ZNF407: variants seen among roughly 807,000 people sequenced by gnomAD.
The protein encoded by ZNF407 is zinc finger protein 407.
ZNF407 carries 17 observed loss-of-function variants against 131.2 expected under a neutral mutation model. That is an observed-to-expected ratio of 0.13 (90% CI 0.09 to 0.19). The LOEUF is 0.19. Among genes scored for constraint, ZNF407 ranks in the 10% least tolerant of loss-of-function variants. ZNF407 has a pLI of 1.00. For synonymous variants in ZNF407, 1,156 were observed against 1,062.0 expected (o/e 1.09, Z -1.72); for missense variants, 2,681 against 2,830.6 (o/e 0.95, Z 1.20).
rs1299221599 is a variant in ZNF407, at chr18:75,063,779, C to T, written c.6058C>T (p.Leu2020=). ...AGGCAGGCCCGGCGCCAAAGACGTG[C>T]TGATCCAGCTGCCCGGGCAGGAGGT... ...EQGRPGAKDV[L]IQLPGQEVSH... is the part of the protein sequence containing the mutation. The change falls in exon 9 of 9, where the codon CTG becomes TTG. Residue 2020 remains leucine (L), a synonymous_variant. Coordinates refer to ENST00000299687, the MANE Select transcript of ZNF407 (RefSeq NM_017757.3). This position sits in a 1 kb window ranked among gnomAD's most constrained non-coding sequence, Gnocchi z 6.6. 6.2e-7 allele frequency: 1 copy of T among 1,610,118 alleles called. No homozygotes were observed. The highest frequency in any genetic ancestry group is 8.5e-7 in the Non-Finnish European group (1 of 1,179,774).
Position 75,063,110 on chromosome 18 carries a change from G to A in ZNF407, c.5429-40G>A. ...AAGTGTCTTACTTGTAAGCCTACGA[G>A]TACTTTTTCCAGGCTCTAACTGGTC... On this transcript the variant is annotated intron_variant, in intron 8 of 8. Transcript: ENST00000299687. The surrounding 1 kb of genome is among the most constrained non-coding windows in gnomAD (Gnocchi z 6.6). The A allele has an allele frequency of 2.0e-6, 3 of 1,513,830 alleles. No homozygotes were observed. The highest frequency in any genetic ancestry group is 2.7e-6 in the Non-Finnish European group (3 of 1,125,832). The allele number at this position is 1,513,830 out of a possible 1,614,324, so 93.8% of individuals were successfully genotyped here. A position where few individuals can be genotyped will look rare whatever the true frequency, so the allele number is the denominator to read the frequency against.
intron 8 of ZNF407, among the ~76,000 whole-genome samples, chr18:74,931,050 A>G (rs1971977367): frequency 6.6e-6 from 1 of 152,208 alleles, no homozygotes; most frequent in Non-Finnish European, 1.5e-5. Flanking sequence ...CTATCTCTCT[A>G]TCTAGAACAT....
chr18:74,712,570 T>C (rs1189655285), intron 3 of ZNF407, among the ~76,000 whole-genome samples: 1 of 152,196 alleles, frequency 6.6e-6, no homozygotes, highest in Non-Finnish European at 1.5e-5. Flanking sequence ...TTTCTGAGGC[T>C]TTCCTGTGGA....
At chr18:74,950,306 C>T (rs558140111) in intron 8 of ZNF407, among the ~76,000 whole-genome samples, 4 of 152,318 alleles carry the variant, frequency 2.6e-5, no homozygotes, top group Middle Eastern at 3.4e-3. Flanking sequence ...ACACTTAATG[C>T]TTACATATTT....
intron 8 of ZNF407, among the ~76,000 whole-genome samples, chr18:75,014,764 A>T (rs1973023690): frequency 1.3e-5 from 2 of 152,138 alleles, no homozygotes; most frequent in Non-Finnish European, 2.9e-5. Flanking sequence ...TTGAAAGTAA[A>T]ATTTGAAAAT....
At chr18:74,757,357 C>G (rs1349921478) in intron 3 of ZNF407, among the ~76,000 whole-genome samples, 1 of 151,878 alleles carries the variant, frequency 6.6e-6, no homozygotes, top group African/African-American at 2.4e-5. Context: ...ATATTTGTTT[C>G]CATTCATCTC....
chr18:74,890,140 G>GCCTCTTTCGTTATCAACA, intron 7 of ZNF407, 102 bp downstream of exon 7: 1 of 1,279,190 alleles, frequency 7.8e-7, no homozygotes, highest in Non-Finnish European at 1.0e-6. Context: ...ATCACCATGA[G>GCCTCTTTCGTTATCAACA]TTCATATATT....
chr18:74,879,523 T>C (rs879939644), intron 5 of ZNF407, among the ~76,000 whole-genome samples: 2 of 152,226 alleles, frequency 1.3e-5, no homozygotes, highest in Non-Finnish European at 2.9e-5. Flanking sequence ...CTCAGTGTTA[T>C]TTAATTGATA....
chr18:74,962,634 A>G (rs1972359921), intron 8 of ZNF407, among the ~76,000 whole-genome samples: 1 of 152,090 alleles, frequency 6.6e-6, no homozygotes, highest in Admixed American at 6.5e-5. Flanking sequence ...CCAGTCCTCC[A>G]TGTCTCGTCT....
At chr18:74,914,094 G>A (rs965879710) in intron 7 of ZNF407, among the ~76,000 whole-genome samples, 2 of 152,162 alleles carry the variant, frequency 1.3e-5, no homozygotes, top group African/African-American at 4.8e-5. Context: ...CCTTTTCCAT[G>A]AAAGCGATGC....
chr18:74,636,807 A>G (rs962422111), intron 2 of ZNF407, among the ~76,000 whole-genome samples: 1 of 152,236 alleles, frequency 6.6e-6, no homozygotes, highest in Non-Finnish European at 1.5e-5. Context: ...AAATATTCCT[A>G]TGCACTGCAG....
chr18:74,895,556 CA>C (rs200497200), intron 7 of ZNF407, among the ~76,000 whole-genome samples: 4 of 151,530 alleles, frequency 2.6e-5, no homozygotes, highest in African/African-American at 9.7e-5. Context: ...GATGCAATGA[CA>C]AAAAAAATTG....
At chr18:74,914,074 T>G (rs983537385) in intron 7 of ZNF407, among the ~76,000 whole-genome samples, 15 of 152,190 alleles carry the variant, frequency 9.9e-5, no homozygotes, top group African/African-American at 3.4e-4. Flanking sequence ...TGAAGTGCAC[T>G]CTTAGAATGC....
intron 3 of ZNF407, among the ~76,000 whole-genome samples, chr18:74,650,041 G>A: frequency 6.6e-6 from 1 of 152,150 alleles, no homozygotes; most frequent in Non-Finnish European, 1.5e-5. Flanking sequence ...TGAGGCAACT[G>A]TTTTCTCTTT....
intron 8 of ZNF407, among the ~76,000 whole-genome samples, chr18:75,007,269 T>G (rs1252148962): frequency 6.6e-6 from 1 of 152,238 alleles, no homozygotes; most frequent in Non-Finnish European, 1.5e-5. Flanking sequence ...TTGTATCCTT[T>G]GAGACTAAGG....
At chr18:74,690,997 G>A (rs982075436) in intron 3 of ZNF407, among the ~76,000 whole-genome samples, 7 of 152,208 alleles carry the variant, frequency 4.6e-5, no homozygotes, top group African/African-American at 1.4e-4. Context: ...AATTAGGAAA[G>A]GCCGAGCGCA....
intron 8 of ZNF407, among the ~76,000 whole-genome samples, chr18:74,976,902 A>T (rs1412895728): frequency 6.9e-6 from 1 of 145,260 alleles, no homozygotes; most frequent in African/African-American, 2.6e-5. Flanking sequence ...ATCTATGAGG[A>T]AAACATCTCT....
rs1973524486 is a variant in ZNF407 at position 75,053,325 on chromosome 18, TG to T, written c.5429-9823del. ...GTCAGGTCTGGGCTCAATATTCATT[TG>T]GATTGTGCTTTCTAAAAGGATCTCC... is the stretch of plus-strand genomic sequence containing the variant. On this transcript the variant is annotated intron_variant, in intron 8 of 8. Coordinates refer to ENST00000299687, the MANE Select transcript of ZNF407 (RefSeq NM_017757.3). Among the ~76,000 whole-genome samples the T allele has an allele frequency of 2.0e-5, 3 of 152,312 alleles. No homozygotes were observed. In the South Asian group the frequency reaches 6.2e-4, roughly 32 times the overall value.
At chr18:74,726,864 G>T (rs968312738) in intron 3 of ZNF407, among the ~76,000 whole-genome samples, 3 of 152,182 alleles carry the variant, frequency 2.0e-5, no homozygotes, top group African/African-American at 7.2e-5. Context: ...AGTTGTGGGG[G>T]TGTCACAGAG....
Sources: allele counts gnomAD v4.1 joint callset (sites outside exome capture counted in the v4.1 genomes callset), GRCh38; gene constraint gnomAD v4.1.1; non-coding constraint Gnocchi (gnomAD v3.1); transcripts MANE v1.5; gene names NCBI Gene and HGNC (gene_info 2026-07-23, HGNC 2026-07-21).